The following PCDHA13 variants were observed in gnomAD, a reference collection of about 807,000 sequenced individuals.
PCDHA13 encodes protocadherin alpha-13.
Under a neutral mutation model 64.8 loss-of-function variants are expected in PCDHA13, and 54 were observed. The ratio of observed to expected loss-of-function variants is 0.83; its 90% CI spans 0.67 to 1.04. The LOEUF (loss-of-function observed/expected upper bound fraction) is 1.04, where lower values mean the gene tolerates loss of function less well. Among genes scored for constraint, PCDHA13 ranks in the 50% least tolerant of loss-of-function variants. The probability of loss-of-function intolerance (pLI) is 0.00; values close to 1 mark genes in which losing one functional copy is unlikely to be tolerated. For missense variants in PCDHA13, 1,248 were observed against 1,254.3 expected (o/e 0.99, Z 0.08); for synonymous variants, 587 against 564.4 (o/e 1.04, Z -0.57).
rs2059986179 is a variant in PCDHA13 at position 140,884,082 on chromosome 5, C to A, written c.1814C>A (p.Ala605Glu). 1.2e-6 allele frequency: 2 copies of A among 1,613,558 alleles called. No individual in the cohort carries two copies. Among genetic ancestry groups the A allele is most frequent in the Non-Finnish European group, 8.5e-7 (1 of 1,179,748 alleles). ...GTGGACGCCGATTCGGGCTACAATG[C>A]GTGGCTTTCGTATGAATTGCAGCTG... Reference protein sequence around the residue: ...RAVDADSGYNAWLSYELQLAA... With the variant: ...RAVDADSGYNEWLSYELQLAA... Residue 605 changes from alanine to glutamate, a missense_variant, in exon 1 of 4, where the codon GCG (alanine) becomes GAG (glutamate). Ala to Glu is a moderately radical substitution (Grantham distance 107). Coordinates refer to ENST00000289272, the MANE Select transcript of PCDHA13 (RefSeq NM_018904.3).
chr5:140,936,151 C>T (rs947807537), intron 1 of PCDHA13, among the ~76,000 whole-genome samples: 66 of 152,246 alleles, frequency 4.3e-4, no homozygotes, highest in African/African-American at 1.5e-3. Context: ...CCTTGGCCTC[C>T]TAAAGTGCTG....
rs1404353270 is a variant in PCDHA13, at chr5:140,883,844, G to A, written c.1576G>A (p.Glu526Lys). The A allele has an allele frequency of 2.5e-6, 4 of 1,612,836 alleles. No individual in the cohort carries two copies. Among genetic ancestry groups the A allele is most frequent in the East Asian group, 2.2e-5 (1 of 44,866 alleles). Residue 526 changes from glutamate (E) to lysine (K), a missense_variant, in exon 1 of 4, where the codon GAG becomes AAG. By Grantham distance (56) the Glu-to-Lys change is moderately conservative (BLOSUM62 1). Transcript: ENST00000289272. ...GTACGCGCTGCAGCCGTTGGACCAC[G>A]AGGAGCTGGAGCTGTTGCAGTTCCA... ...KVYALQPLDH[E>K]ELELLQFQVS...
intron 1 of PCDHA13, chr5:140,928,032 T>C (rs369075554): frequency 6.2e-7 from 1 of 1,614,216 alleles, no homozygotes; most frequent in African/African-American, 1.3e-5. Flanking sequence ...GTGGCATGTC[T>C]AGTGCAGGCC....
At chr5:140,998,687 C>T (rs922040842) in intron 3 of PCDHA13, among the ~76,000 whole-genome samples, 9 of 152,042 alleles carry the variant, frequency 5.9e-5, no homozygotes, top group Non-Finnish European at 1.5e-5. Flanking sequence ...GCCTCAGCCT[C>T]CCAAGTAGCT....
intron 1 of PCDHA13, among the ~76,000 whole-genome samples, chr5:140,938,027 T>C (rs1372788447): frequency 6.6e-6 from 1 of 152,220 alleles, no homozygotes; most frequent in Non-Finnish European, 1.5e-5. Flanking sequence ...TAAAATCTCA[T>C]ATTTTTATAT....
At chr5:140,989,637 T>C (rs1274152423) in intron 3 of PCDHA13, among the ~76,000 whole-genome samples, 2 of 152,070 alleles carry the variant, frequency 1.3e-5, no homozygotes, top group African/African-American at 4.8e-5. Flanking sequence ...ACAGCAAGGG[T>C]CTTTCATGGC....
intron 1 of PCDHA13, among the ~76,000 whole-genome samples, chr5:140,971,957 AC>A (rs1360214556): frequency 6.6e-6 from 1 of 152,060 alleles, no homozygotes; most frequent in Non-Finnish European, 1.5e-5. Flanking sequence ...GACTCCAAAA[AC>A]TTTTTTTCAA....
intron 1 of PCDHA13, chr5:140,967,124 A>G (rs782387198): frequency 1.2e-6 from 2 of 1,612,200 alleles, no homozygotes; most frequent in South Asian, 2.2e-5. Context: ...CTGCCTGCTC[A>G]GCTTGGAAGT....
chr5:140,956,597 C>T (rs1015881961), intron 1 of PCDHA13, among the ~76,000 whole-genome samples: 1 of 152,054 alleles, frequency 6.6e-6, no homozygotes, highest in African/African-American at 2.4e-5. Flanking sequence ...TCAGGGATAT[C>T]AGCTGGAAGT....
At chr5:140,946,059 G>T (rs979423479) in intron 1 of PCDHA13, among the ~76,000 whole-genome samples, 4 of 152,038 alleles carry the variant, frequency 2.6e-5, no homozygotes, top group Non-Finnish European at 4.4e-5. Flanking sequence ...CAGAATGGGA[G>T]AAAATATTTG....
intron 1 of PCDHA13, among the ~76,000 whole-genome samples, chr5:140,940,999 A>C (rs2092715324): frequency 1.3e-5 from 2 of 152,264 alleles, no homozygotes; most frequent in Admixed American, 1.3e-4. Context: ...TATAGGATTA[A>C]ATTTTCCTTT....
chr5:140,884,353 T>C lies in PCDHA13; in HGVS notation c.2085T>C (p.Asp695=). Residue 695 remains aspartate, a synonymous_variant, in exon 1 of 4, where the codon GAT becomes GAC. Transcript: ENST00000289272. ...GAVGPEAALV[D]VNVYLIIAIC... is the part of the protein sequence containing the mutation. ...TGGGTCCAGAAGCGGCGCTGGTGGA[T>C]GTCAATGTTTACTTGATCATTGCCA... is the stretch of plus-strand genomic sequence containing the variant. 1.2e-6 allele frequency: 2 copies of C among 1,613,886 alleles called. No individual in the cohort carries two copies. Among genetic ancestry groups the C allele is most frequent in the Non-Finnish European group, 1.7e-6 (2 of 1,179,862 alleles).
intron 3 of PCDHA13, among the ~76,000 whole-genome samples, chr5:140,989,708 G>T (rs2097355537): frequency 6.6e-6 from 1 of 152,154 alleles, no homozygotes; most frequent in South Asian, 2.1e-4. Context: ...ATCTTCAGAG[G>T]CAGTCAGCTT....
chr5:140,945,701 CA>C (rs1563215722), intron 1 of PCDHA13, among the ~76,000 whole-genome samples: 1 of 151,988 alleles, frequency 6.6e-6, no homozygotes, highest in Non-Finnish European at 1.5e-5. Context: ...CACTGATTTG[CA>C]ACAAAAGTAT....
intron 3 of PCDHA13, among the ~76,000 whole-genome samples, chr5:141,007,259 G>A (rs2098311634): frequency 6.6e-6 from 1 of 151,998 alleles, no homozygotes; most frequent in Non-Finnish European, 1.5e-5. Flanking sequence ...GTTAAAAGAA[G>A]CAGATACAGG....
intron 1 of PCDHA13, chr5:140,966,229 A>T (rs1027352378): frequency 1.1e-5 from 3 of 277,852 alleles, no homozygotes; most frequent in African/African-American, 6.6e-5. Context: ...ATCTCCTTAA[A>T]GACCCGTTAA....
intron 1 of PCDHA13, among the ~76,000 whole-genome samples, chr5:140,914,158 C>T (rs1041086072): frequency 1.2e-4 from 18 of 152,276 alleles, no homozygotes; most frequent in East Asian, 9.6e-4. Flanking sequence ...CTGTCCAATA[C>T]GGAAAGTGGG....
intron 1 of PCDHA13, among the ~76,000 whole-genome samples, chr5:140,962,736 C>T (rs1233355346): frequency 2.0e-5 from 3 of 152,136 alleles, no homozygotes; most frequent in Non-Finnish European, 4.4e-5. Flanking sequence ...TCTGGGGATG[C>T]ATGAAGATCA....
At chr5:140,931,260 T>C (rs576177407) in intron 1 of PCDHA13, among the ~76,000 whole-genome samples, 104 of 152,274 alleles carry the variant, frequency 6.8e-4, no homozygotes, top group East Asian at 3.1e-3. Flanking sequence ...GAAATTTCAC[T>C]ATTTATTTCT....
Sources: allele counts gnomAD v4.1 joint callset (sites outside exome capture counted in the v4.1 genomes callset), GRCh38; gene constraint gnomAD v4.1.1; transcripts MANE v1.5; gene names NCBI Gene and HGNC (gene_info 2026-07-23, HGNC 2026-07-21).